The following LARGE1 variants were observed in gnomAD, a reference collection of about 807,000 sequenced individuals.
The protein encoded by LARGE1 is xylosyl- and glucuronyltransferase LARGE1.
A neutral mutation model predicts 87.6 loss-of-function variants in LARGE1; 43 were observed. The observed-to-expected ratio is 0.49, with a 90% CI of 0.38 to 0.63. The LOEUF is 0.63. Among genes scored for constraint, LARGE1 ranks in the 30% least tolerant of loss-of-function variants. The pLI is 0.00. For missense variants in LARGE1, 802 were observed against 1,000.2 expected, an observed-to-expected ratio of 0.80 and a Z score of 2.67; for synonymous variants, 434 against 394.6, an observed-to-expected ratio of 1.10 and a Z score of -1.18.
intron 12 of LARGE1, 110 bp downstream of exon 12, chr22:33,304,119 G>T: frequency 7.8e-7 from 1 of 1,285,640 alleles, no homozygotes; most frequent in South Asian, 1.3e-5. Flanking sequence ...TGCCCCATCT[G>T]GAAAAGAAAC....
At chr22:33,132,639 C>T in the LARGE1 span, among the ~76,000 whole-genome samples, 1 of 151,510 alleles carries the variant, frequency 6.6e-6, no homozygotes, top group Non-Finnish European at 1.5e-5. Flanking sequence ...GAACACACAG[C>T]ACTTAAATTA....
chr22:33,507,703 G>C (rs2070831589), intron 6 of LARGE1, among the ~76,000 whole-genome samples: 1 of 152,120 alleles, frequency 6.6e-6, no homozygotes, highest in African/African-American at 2.4e-5. Flanking sequence ...TGGTTACAAT[G>C]GTAAAATTTT....
intron 1 of LARGE1, among the ~76,000 whole-genome samples, chr22:33,851,905 T>C (rs753940747): frequency 5.3e-5 from 8 of 152,170 alleles, no homozygotes; most frequent in South Asian, 2.1e-4. Context: ...TGGGGAATGT[T>C]TGGTTGTTTT....
chr22:33,491,398 G>A (rs1602090641), intron 6 of LARGE1, among the ~76,000 whole-genome samples: 1 of 152,160 alleles, frequency 6.6e-6, no homozygotes, highest in African/African-American at 2.4e-5. Flanking sequence ...CCACATGCAT[G>A]GAGGGTCAGA....
chr22:33,310,764 A>G (rs1226648746), intron 11 of LARGE1, among the ~76,000 whole-genome samples: 1 of 152,102 alleles, frequency 6.6e-6, no homozygotes, highest in African/African-American at 2.4e-5. Context: ...GTGCCGCTTT[A>G]TAATTTTTAA....
intron 1 of LARGE1, among the ~76,000 whole-genome samples, chr22:33,917,228 T>C (rs1409619310): frequency 6.6e-6 from 1 of 152,206 alleles, no homozygotes; most frequent in Non-Finnish European, 1.5e-5. Flanking sequence ...AGCAGGCTCT[T>C]CTTGGCCTCT....
intron 6 of LARGE1, among the ~76,000 whole-genome samples, chr22:33,470,989 G>A (rs1232009721): frequency 1.3e-5 from 2 of 150,966 alleles, no homozygotes; most frequent in Non-Finnish European, 2.9e-5. Context: ...ACTTATAAAC[G>A]TTGTAGGACT....
intron 6 of LARGE1, among the ~76,000 whole-genome samples, chr22:33,505,975 C>T (rs1013525360): frequency 6.6e-6 from 1 of 152,160 alleles, no homozygotes; most frequent in African/African-American, 2.4e-5. Flanking sequence ...ACCCCAGAGT[C>T]CTGAAGCATA....
chr22:33,838,961 A>T (rs1013023573), intron 1 of LARGE1, among the ~76,000 whole-genome samples: 3 of 152,220 alleles, frequency 2.0e-5, no homozygotes, highest in Non-Finnish European at 4.4e-5. Context: ...AGAATTTCTG[A>T]TAGAAACCAA....
intron 6 of LARGE1, among the ~76,000 whole-genome samples, chr22:33,510,499 G>T (rs974453575): frequency 1.3e-5 from 2 of 152,186 alleles, no homozygotes; most frequent in Admixed American, 6.5e-5. Flanking sequence ...TATCACCTCC[G>T]CTGGTAAGTG....
intron 5 of LARGE1, among the ~76,000 whole-genome samples, chr22:33,569,340 A>G (rs1005619171): frequency 2.0e-5 from 3 of 152,240 alleles, no homozygotes; most frequent in South Asian, 2.1e-4. Context: ...TATTTTTAAC[A>G]CACATGTGAG....
At chr22:33,407,144 A>G (rs1227037001) in intron 7 of LARGE1, among the ~76,000 whole-genome samples, 1 of 151,730 alleles carries the variant, frequency 6.6e-6, no homozygotes, top group African/African-American at 2.4e-5. Flanking sequence ...TATGCCAGGG[A>G]CCACTCTATT....
At chr22:33,902,683 A>G (rs901348741) in intron 1 of LARGE1, among the ~76,000 whole-genome samples, 7 of 152,190 alleles carry the variant, frequency 4.6e-5, no homozygotes, top group African/African-American at 1.7e-4. Context: ...TTCAAACAAG[A>G]TATGTACATG....
intron 4 of LARGE1, among the ~76,000 whole-genome samples, chr22:33,609,536 G>A (rs1253566399): frequency 6.6e-6 from 1 of 152,182 alleles, no homozygotes; most frequent in Non-Finnish European, 1.5e-5. Flanking sequence ...GAGGAGAAAG[G>A]GAGGCATTCA....
chr22:33,779,780 CTT>C (rs1569443023), intron 1 of LARGE1, among the ~76,000 whole-genome samples: 1 of 133,502 alleles, frequency 7.5e-6, no homozygotes, highest in South Asian at 2.2e-4. Flanking sequence ...GAGCAAAACT[CTT>C]GTTTCAAAAA....
intron 6 of LARGE1, among the ~76,000 whole-genome samples, chr22:33,543,480 T>C (rs529905662): frequency 6.6e-6 from 1 of 152,318 alleles, no homozygotes; most frequent in Admixed American, 6.5e-5. Flanking sequence ...CTGGGTACTA[T>C]GCTAGGCTAT....
At chr22:33,236,116 T>TC (rs1344256851) in intron 11 of LARGE1, among the ~76,000 whole-genome samples, 4 of 152,018 alleles carry the variant, frequency 2.6e-5, no homozygotes, top group African/African-American at 7.2e-5. Context: ...ATGGAACAGA[T>TC]CCCCCTTTAG....
At chr22:33,473,836 A>C (rs1220409841) in intron 6 of LARGE1, among the ~76,000 whole-genome samples, 4 of 152,200 alleles carry the variant, frequency 2.6e-5, no homozygotes, top group Admixed American at 2.6e-4. Flanking sequence ...GAGAGAAAAA[A>C]CAGGCCATTT....
intron 12 of LARGE1, among the ~76,000 whole-genome samples, chr22:33,285,842 G>A (rs1317027867): frequency 6.6e-6 from 1 of 152,120 alleles, no homozygotes; most frequent in Non-Finnish European, 1.5e-5. Context: ...GCAGGGCTTC[G>A]TATCATTGAA....
Sources: gnomAD v4.1 joint callset for allele counts (sites outside exome capture counted in the v4.1 genomes callset) on GRCh38, gnomAD v4.1.1 for gene constraint, MANE v1.5 for transcripts, NCBI Gene and HGNC (gene_info 2026-07-23, HGNC 2026-07-21) for gene names.